HTR1F: variants seen among roughly 807,000 people sequenced by gnomAD.
HTR1F encodes 5-hydroxytryptamine receptor 1F, also known as 5-hydroxytryptamine (serotonin) receptor 1F, G protein-coupled.
A neutral mutation model predicts 24.0 loss-of-function variants in HTR1F; 17 were observed. That is an observed-to-expected ratio of 0.71 (90% CI 0.48 to 1.06). The LOEUF is 1.06. Among genes scored for constraint, HTR1F ranks in the 50% least tolerant of loss-of-function variants. The pLI, the probability that HTR1F is intolerant of heterozygous loss-of-function variation, is 0.00. For synonymous variants in HTR1F, 186 were observed against 156.8 expected, an observed-to-expected ratio of 1.19 and a Z score of -1.39; for missense variants, 391 against 427.8, an observed-to-expected ratio of 0.91 and a Z score of 0.76.
intron 2 of HTR1F, among the ~76,000 whole-genome samples, chr3:87,982,995 G>T (rs184050919): frequency 2.2e-3 from 331 of 152,230 alleles, no homozygotes; most frequent in Middle Eastern, 0.014. Flanking sequence ...GATGAGATCT[G>T]GGGGAGCTTG....
Position 87,898,251 on chromosome 3 carries a change from C to T in HTR1F, c.-43+76127C>T, listed in dbSNP as rs115418868. Reference sequence around the variant, plus strand: ...ATCTATATCAGGTGAGTTATTTGTGCAATCTTAGAGTTGTGGGATGATAGA... The same window carrying T: ...ATCTATATCAGGTGAGTTATTTGTGTAATCTTAGAGTTGTGGGATGATAGA... On this transcript the variant is annotated intron_variant, in intron 2 of 2. Transcript: ENST00000319595. 6.7e-3 allele frequency among the ~76,000 whole-genome samples: 1,000 copies of T among 149,182 alleles called. 6 individuals carry two copies. The highest frequency in any genetic ancestry group is 0.011 in the Non-Finnish European group (711 of 66,158).
chr3:87,958,301 T>C (rs1421169795), intron 2 of HTR1F, among the ~76,000 whole-genome samples: 3 of 151,528 alleles, frequency 2.0e-5, no homozygotes, highest in African/African-American at 7.3e-5. Context: ...TTGTTTTTTG[T>C]TTTTGTTTTT....
At chr3:87,890,468 T>C (rs898715236) in intron 2 of HTR1F, among the ~76,000 whole-genome samples, 2 of 151,990 alleles carry the variant, frequency 1.3e-5, no homozygotes, top group African/African-American at 4.8e-5. Context: ...ACAAATATTT[T>C]ATTCCAGAAG....
chr3:87,980,912 G>C (rs1386105380), intron 2 of HTR1F, among the ~76,000 whole-genome samples: 1 of 152,192 alleles, frequency 6.6e-6, no homozygotes, highest in African/African-American at 2.4e-5. Context: ...TTCTGAACCT[G>C]CAGGGGCAGG....
intron 2 of HTR1F, among the ~76,000 whole-genome samples, chr3:87,964,273 C>T (rs1243700056): frequency 1.3e-5 from 2 of 152,120 alleles, no homozygotes; most frequent in Non-Finnish European, 1.5e-5. Context: ...TCTGGGTATA[C>T]ATGACGCCAA....
chr3:87,987,642 TTATA>T (rs10575272), intron 2 of HTR1F, among the ~76,000 whole-genome samples: 59,400 of 62,970 alleles, frequency 0.94, 28,336 homozygotes, highest in Non-Finnish European at 0.97. Flanking sequence ...TATATGTATT[TTATA>T]TATATATATA....
Position 87,991,761 on chromosome 3 carries a change from C to T in HTR1F, c.1012C>T (p.Leu338Phe). 2.5e-6 allele frequency: 4 copies of T among 1,613,180 alleles called. No homozygotes were observed. Among genetic ancestry groups the T allele is most frequent in the Non-Finnish European group, 3.4e-6 (4 of 1,179,422 alleles). The part of the protein sequence containing the change: ...MSNFLAWLGY[L>F]NSLINPLIYT... The stretch of plus-strand genomic sequence containing the variant: ...CAATTTTTTGGCATGGCTTGGGTAT[C>T]TCAATTCCCTTATAAATCCACTGAT... Residue 338 changes from leucine to phenylalanine, a missense_variant, in exon 3 of 3, where the codon CTC becomes TTC. By Grantham distance (22) the Leu-to-Phe change is conservative. Transcript: ENST00000319595.
chr3:87,947,541 G>A (rs1704737777), intron 2 of HTR1F, among the ~76,000 whole-genome samples: 1 of 151,998 alleles, frequency 6.6e-6, no homozygotes, highest in Non-Finnish European at 1.5e-5. Context: ...GTTACTGTTA[G>A]TTATAACCAC....
chr3:87,898,088 C>A (rs1160241860), intron 2 of HTR1F, among the ~76,000 whole-genome samples: 1 of 152,042 alleles, frequency 6.6e-6, no homozygotes, highest in Admixed American at 6.6e-5. Context: ...GCATGTACAA[C>A]TAGATGGATA....
chr3:87,872,890 C>A (rs1256235715), intron 2 of HTR1F, among the ~76,000 whole-genome samples: 3 of 152,012 alleles, frequency 2.0e-5, no homozygotes, highest in Admixed American at 6.6e-5. Context: ...CAATCCTTCT[C>A]TAACTCTCCA....
intron 2 of HTR1F, among the ~76,000 whole-genome samples, chr3:87,863,510 A>T (rs1343559288): frequency 2.0e-5 from 3 of 152,188 alleles, no homozygotes; most frequent in Non-Finnish European, 2.9e-5. Context: ...ATACCTGCAG[A>T]ATACAATTTT....
intron 2 of HTR1F, among the ~76,000 whole-genome samples, chr3:87,868,802 T>A (rs1200754611): frequency 6.6e-6 from 1 of 152,024 alleles, no homozygotes; most frequent in Non-Finnish European, 1.5e-5. Flanking sequence ...AGCAAGGGCA[T>A]GAAGTTAGCT....
intron 1 of HTR1F, among the ~76,000 whole-genome samples, chr3:87,819,107 C>G (rs567095696): frequency 1.3e-5 from 2 of 152,164 alleles, no homozygotes; most frequent in Non-Finnish European, 2.9e-5. Context: ...ATCTCATGTG[C>G]ACACTGTTTT....
rs768161601 is a variant in HTR1F at position 87,792,735 on chromosome 3, C to A, written c.-267C>A. On this transcript the variant is annotated 5_prime_UTR_variant, in exon 1 of 3. Coordinates refer to ENST00000319595, the MANE Select transcript of HTR1F (RefSeq NM_001322209.2). ...TCAGCGTCGCGGCCCCGAAAGCTGG[C>A]GACAGGCGCTGCTGTCTTCCCGCCC... Among the ~76,000 whole-genome samples, 3 of 152,192 alleles carry A rather than the reference C, an allele frequency of 2.0e-5. No individual in the cohort carries two copies. Among genetic ancestry groups the A allele is most frequent in the African/African-American group, 4.8e-5 (2 of 41,460 alleles).
chr3:87,948,560 C>A (rs1704764243), intron 2 of HTR1F, among the ~76,000 whole-genome samples: 1 of 152,008 alleles, frequency 6.6e-6, no homozygotes, highest in African/African-American at 2.4e-5. Flanking sequence ...CAGCTCACTG[C>A]AACCTTGACC....
intron 2 of HTR1F, among the ~76,000 whole-genome samples, chr3:87,901,345 G>T (rs1224829921): frequency 6.6e-6 from 1 of 152,006 alleles, no homozygotes; most frequent in Non-Finnish European, 1.5e-5. Context: ...TATCAGAAGA[G>T]ATTAGGACAC....
At chr3:87,979,299 C>A (rs1242677619) in intron 2 of HTR1F, among the ~76,000 whole-genome samples, 1 of 152,048 alleles carries the variant, frequency 6.6e-6, no homozygotes, top group African/African-American at 2.4e-5. Context: ...AACCGCTAGA[C>A]CTCCATGAAG....
Position 87,902,686 on chromosome 3 carries a change from G to A in HTR1F, c.-43+80562G>A, listed in dbSNP as rs559058563. 2.6e-5 allele frequency among the ~76,000 whole-genome samples: 4 copies of A among 151,038 alleles called. No individual in the cohort carries two copies. In the South Asian group the frequency reaches 8.4e-4, roughly 32 times the overall value. ...ATATGTATACATGTGCCATGCTGGT[G>A]TGCTGCACCCATTAACTCGTCATTT... On this transcript the variant is annotated intron_variant, in intron 2 of 2. Transcript: ENST00000319595.
At chr3:87,891,804 A>C (rs1226468891) in intron 2 of HTR1F, among the ~76,000 whole-genome samples, 1 of 152,200 alleles carries the variant, frequency 6.6e-6, no homozygotes. Context: ...TGTATGTCAC[A>C]TTCTTTATCC....
Sources: gnomAD v4.1 joint callset for allele counts (sites outside exome capture counted in the v4.1 genomes callset) on GRCh38, gnomAD v4.1.1 for gene constraint, MANE v1.5 for transcripts, NCBI Gene and HGNC (gene_info 2026-07-23, HGNC 2026-07-21) for gene names.